Variants in ANKRD45 observed in about 807,000 individuals in gnomAD.
ANKRD45 encodes ankyrin repeat domain-containing protein 45.
ANKRD45 carries 21 observed loss-of-function variants against 28.1 expected under a neutral mutation model. That is an observed-to-expected ratio of 0.75 (90% CI 0.53 to 1.08). The LOEUF is 1.08. Among genes scored for constraint, ANKRD45 ranks in the 50% least tolerant of loss-of-function variants. ANKRD45 has a pLI of 0.00. For synonymous variants in ANKRD45, 86 were observed against 103.9 expected (o/e 0.83, Z 1.05); for missense variants, 261 against 308.7 (o/e 0.85, Z 1.16).
the ANKRD45 span, among the ~76,000 whole-genome samples, chr1:173,701,640 C>T: frequency 6.6e-6 from 1 of 152,054 alleles, no homozygotes; most frequent in African/African-American, 2.4e-5. Context: ...GGACACAGGG[C>T]AGGGTACACC....
intron 1 of ANKRD45, among the ~76,000 whole-genome samples, chr1:173,660,399 GT>G (rs1300076070): frequency 2.0e-5 from 3 of 152,116 alleles, no homozygotes; most frequent in African/African-American, 7.2e-5. Flanking sequence ...ACACAAAATG[GT>G]ATATAACTGT....
chr1:173,686,174 A>C, the ANKRD45 span, among the ~76,000 whole-genome samples: 1 of 152,188 alleles, frequency 6.6e-6, no homozygotes, highest in African/African-American at 2.4e-5. Flanking sequence ...GCCATCTTTG[A>C]CTTGGCAAAT....
chr1:173,697,348 C>T, the ANKRD45 span, among the ~76,000 whole-genome samples: 1 of 152,126 alleles, frequency 6.6e-6, no homozygotes, highest in East Asian at 1.9e-4. Flanking sequence ...AGGGCAACCC[C>T]AAGACACATA....
chr1:173,702,039 C>T, the ANKRD45 span, among the ~76,000 whole-genome samples: 300 of 152,206 alleles, frequency 2.0e-3, 2 homozygotes, highest in African/African-American at 6.8e-3. Context: ...TTACAAAGTA[C>T]ACTGGTGAAC....
At chr1:173,624,232 C>G (rs1277269655) in intron 5 of ANKRD45, among the ~76,000 whole-genome samples, 4 of 152,130 alleles carry the variant, frequency 2.6e-5, no homozygotes, top group Non-Finnish European at 4.4e-5. Context: ...GTGGCTCACA[C>G]CTGTAAAGCC....
In ANKRD45 at chr1:173,609,157, A is replaced by C. The variant is rs776800616; in HGVS notation, c.*988T>G. ...TGCTCATACATTAAAAGGATAAAAA[A>C]CTAAAAACTTTGGGAGACATTTAAA... On this transcript the variant is annotated 3_prime_UTR_variant, in exon 6 of 6. Transcript: ENST00000333279. Among the ~76,000 whole-genome samples the C allele has an allele frequency of 2.0e-5, 3 of 152,182 alleles. No homozygotes were observed. Among genetic ancestry groups the C allele is most frequent in the Non-Finnish European group, 4.4e-5 (3 of 68,036 alleles).
Position 173,627,063 on chromosome 1 carries a change from A to G in ANKRD45, c.591+2T>C, listed in dbSNP as rs747017734. ...GAACAAGCAATAATCACAATACAGT[A>G]CCTTGTCTTCCTTAAGGAGTTTCCC... On this transcript the variant is annotated splice_donor_variant, in intron 4 of 5. Transcript: ENST00000333279. LOFTEE classifies it high-confidence loss of function. The G allele has an allele frequency of 1.9e-6, 3 of 1,592,000 alleles. No homozygotes were observed. The highest frequency in any genetic ancestry group is 2.6e-6 in the Non-Finnish European group (3 of 1,161,494).
the ANKRD45 span, among the ~76,000 whole-genome samples, chr1:173,683,293 C>T: frequency 2.6e-5 from 4 of 152,060 alleles, no homozygotes; most frequent in African/African-American, 9.7e-5. Flanking sequence ...CTGCTCTCTA[C>T]CATCCTAACA....
intron 2 of ANKRD45, among the ~76,000 whole-genome samples, chr1:173,657,084 A>C (rs1553270194): frequency 6.7e-6 from 1 of 148,684 alleles, no homozygotes; most frequent in Non-Finnish European, 1.5e-5. Context: ...GGCTCTAATG[A>C]TTTTTTTTAC....
At chr1:173,678,310 C>T in the ANKRD45 span, among the ~76,000 whole-genome samples, 8 of 152,048 alleles carry the variant, frequency 5.3e-5, no homozygotes. Context: ...TGCAAAAATC[C>T]TCAATAAAGT....
the ANKRD45 span, among the ~76,000 whole-genome samples, chr1:173,687,936 T>G: frequency 6.6e-6 from 1 of 151,964 alleles, no homozygotes; most frequent in Non-Finnish European, 1.5e-5. Flanking sequence ...TTAGATCCCC[T>G]GCTAGGAAAC....
At chr1:173,692,685 C>T in the ANKRD45 span, among the ~76,000 whole-genome samples, 1 of 152,160 alleles carries the variant, frequency 6.6e-6, no homozygotes, top group Admixed American at 6.5e-5. Flanking sequence ...AATGCTTTTA[C>T]TAAAACATGA....
intron 3 of ANKRD45, among the ~76,000 whole-genome samples, chr1:173,644,383 G>A (rs1439838726): frequency 1.3e-5 from 2 of 151,902 alleles, no homozygotes; most frequent in African/African-American, 4.8e-5. Context: ...TAAATTTTAT[G>A]TTGAGTTATT....
At chr1:173,713,216 A>C in the ANKRD45 span, among the ~76,000 whole-genome samples, 1 of 152,182 alleles carries the variant, frequency 6.6e-6, no homozygotes, top group Non-Finnish European at 1.5e-5. Context: ...ATTTGTACCT[A>C]TGTGTATCCG....
chr1:173,613,049 C>T (rs1156355257), intron 5 of ANKRD45, among the ~76,000 whole-genome samples: 1 of 152,050 alleles, frequency 6.6e-6, no homozygotes, highest in Non-Finnish European at 1.5e-5. Flanking sequence ...TGCCTGGCCG[C>T]CCATCATCTG....
At chr1:173,677,634 G>A in the ANKRD45 span, among the ~76,000 whole-genome samples, 14,694 of 152,106 alleles carry the variant, frequency 0.097, 935 homozygotes, top group East Asian at 0.23. Flanking sequence ...CTGAAGATGA[G>A]GATTTAACTG....
chr1:173,700,245 C>T, the ANKRD45 span, among the ~76,000 whole-genome samples: 9,298 of 152,166 alleles, frequency 0.061, 1,001 homozygotes, highest in African/African-American at 0.21. Context: ...GGCCATACTG[C>T]CCAAGGTAAT....
At chr1:173,663,349 G>A (rs1422641370) in intron 1 of ANKRD45, among the ~76,000 whole-genome samples, 2 of 152,116 alleles carry the variant, frequency 1.3e-5, no homozygotes, top group African/African-American at 4.8e-5. Context: ...TGATCAAACT[G>A]CCTGCTATGA....
the ANKRD45 span, among the ~76,000 whole-genome samples, chr1:173,691,155 GCTTCTCCT>G: frequency 6.6e-6 from 1 of 152,288 alleles, no homozygotes; most frequent in South Asian, 2.1e-4. Flanking sequence ...GGCTCCCACG[GCTTCTCCT>G]TCCTTGGTCC....
Sources: allele counts gnomAD v4.1 joint callset (sites outside exome capture counted in the v4.1 genomes callset), GRCh38; gene constraint gnomAD v4.1.1; transcripts MANE v1.5; gene names NCBI Gene and HGNC (gene_info 2026-07-23, HGNC 2026-07-21).